FAM13A: variants seen among roughly 807,000 people sequenced by gnomAD.
The protein encoded by FAM13A is family with sequence similarity 13 member A.
FAM13A carries 76 observed loss-of-function variants against 129.6 expected under a neutral mutation model. That is an observed-to-expected ratio of 0.59 (90% CI 0.49 to 0.71). FAM13A has a LOEUF of 0.71. Among genes scored for constraint, FAM13A ranks in the 30% least tolerant of loss-of-function variants. The probability of loss-of-function intolerance (pLI) is 0.00; values close to 1 mark genes in which losing one functional copy is unlikely to be tolerated. For synonymous variants in FAM13A, 443 were observed against 449.9 expected, an observed-to-expected ratio of 0.98 and a Z score of 0.20; for missense variants, 1,108 against 1,249.3, an observed-to-expected ratio of 0.89 and a Z score of 1.70.
At position 88,991,057 on chromosome 4, in the gene FAM13A, A is replaced by T. The variant is rs979179823; in HGVS notation, c.521T>A (p.Phe174Tyr). The T allele has an allele frequency of 1.9e-6, 3 of 1,613,732 alleles. No individual in the cohort carries two copies. Among genetic ancestry groups the T allele is most frequent in the Admixed American group, 3.3e-5 (2 of 59,994 alleles). Residue 174 changes from phenylalanine to tyrosine, a missense_variant, in exon 4 of 24, where the codon TTC becomes TAC. Transcript: ENST00000264344. ...HYCLLKYLCQ[F>Y]LTKVAKHHVQ... Reference sequence around the variant, plus strand: ...ATGATGCTTGGCTACTTTTGTCAAGAACTGGCAAAGGTACTTGAGGAGGCA... The same window carrying T: ...ATGATGCTTGGCTACTTTTGTCAAGTACTGGCAAAGGTACTTGAGGAGGCA...
intron 7 of FAM13A, among the ~76,000 whole-genome samples, chr4:88,805,450 A>G (rs1259126135): frequency 2.0e-5 from 3 of 152,168 alleles, no homozygotes; most frequent in Admixed American, 6.5e-5. Flanking sequence ...ACAACCAACA[A>G]AACATTCCTG....
intron 4 of FAM13A, among the ~76,000 whole-genome samples, chr4:88,988,937 G>T (rs1253330208): frequency 3.3e-5 from 5 of 152,168 alleles, no homozygotes; most frequent in African/African-American, 1.2e-4. Flanking sequence ...AAAGCTACAT[G>T]AGGGTCGGGC....
chr4:88,995,115 ATTT>A (rs984087519), intron 3 of FAM13A, among the ~76,000 whole-genome samples: 4 of 152,138 alleles, frequency 2.6e-5, no homozygotes, highest in African/African-American at 9.7e-5. Context: ...CAAAATGTAT[ATTT>A]GTTGCACACA....
At chr4:88,953,693 T>A (rs1384906257) in intron 4 of FAM13A, among the ~76,000 whole-genome samples, 6 of 152,198 alleles carry the variant, frequency 3.9e-5, no homozygotes, top group Non-Finnish European at 7.3e-5. Flanking sequence ...TTTTATGATT[T>A]TAGGTACCTC....
intron 3 of FAM13A, among the ~76,000 whole-genome samples, chr4:89,011,157 A>G (rs1312464284): frequency 1.3e-5 from 2 of 152,038 alleles, no homozygotes; most frequent in Non-Finnish European, 2.9e-5. Flanking sequence ...CATCCTCATT[A>G]TCTTAATAAT....
intron 7 of FAM13A, among the ~76,000 whole-genome samples, chr4:88,810,751 C>A (rs1729513214): frequency 6.6e-6 from 1 of 152,090 alleles, no homozygotes; most frequent in Non-Finnish European, 1.5e-5. Flanking sequence ...AGTGAACTAT[C>A]CTCATAAGCA....
Position 88,750,547 on chromosome 4 carries a change from T to C in FAM13A, c.1817A>G (p.Gln606Arg). The C allele has an allele frequency of 1.2e-6, 2 of 1,614,174 alleles. No homozygotes were observed. The highest frequency in any genetic ancestry group is 1.7e-6 in the Non-Finnish European group (2 of 1,180,024). The change falls in exon 15 of 24, where the codon CAG becomes CGG. Residue 606 changes from glutamine to arginine, a missense_variant. Gln to Arg is a conservative substitution (Grantham distance 43). Around this residue, in one of 3 missense-constraint regions of FAM13A, gnomAD observed 529 missense variants for 621.2 expected, o/e 0.85. Transcript: ENST00000264344. The stretch of plus-strand genomic sequence containing the variant: ...GGGGTCGCTGTCTTCGTCCAGCAGC[T>C]GACGGATCAGGCGCCCAGCCTGCGG... ...LSPQAGRLIR[Q>R]LLDEDSDPML...
chr4:88,928,800 C>T (rs535235633), intron 5 of FAM13A, among the ~76,000 whole-genome samples: 2 of 152,196 alleles, frequency 1.3e-5, no homozygotes, highest in African/African-American at 4.8e-5. Flanking sequence ...AATCCATTTA[C>T]ATTCAAGGTT....
intron 1 of FAM13A, among the ~76,000 whole-genome samples, chr4:89,042,621 A>G (rs1770301371): frequency 6.6e-6 from 1 of 152,224 alleles, no homozygotes; most frequent in African/African-American, 2.4e-5. Context: ...ATAAAATATA[A>G]TTGTTCTAGA....
intron 5 of FAM13A, among the ~76,000 whole-genome samples, chr4:88,931,698 T>C (rs1451605331): frequency 6.6e-6 from 1 of 152,180 alleles, no homozygotes; most frequent in Non-Finnish European, 1.5e-5. Flanking sequence ...AATACATCAT[T>C]TAACTTTTTT....
rs1261759843 is a variant in FAM13A at position 88,887,953 on chromosome 4, A to T, written c.843+18426T>A. ...TTGATTTTGTTTAGTAAATTTTGTC[A>T]GACAGCAAGGCAATCTTTATGCAAG... is the stretch of plus-strand genomic sequence containing the variant. On this transcript the variant is annotated intron_variant, in intron 6 of 23. Transcript: ENST00000264344. Among the ~76,000 whole-genome samples the T allele has an allele frequency of 2.0e-5, 3 of 152,188 alleles. No individual in the cohort carries two copies. The East Asian group carries it at 5.8e-4, about 29-fold the overall frequency.
intron 3 of FAM13A, among the ~76,000 whole-genome samples, chr4:88,996,151 G>A (rs968011379): frequency 6.6e-6 from 1 of 152,130 alleles, no homozygotes; most frequent in Non-Finnish European, 1.5e-5. Context: ...GATGAAGTGG[G>A]GAGACAATGC....
At chr4:88,871,716 C>T (rs1235116496) in intron 6 of FAM13A, among the ~76,000 whole-genome samples, 2 of 152,186 alleles carry the variant, frequency 1.3e-5, no homozygotes, top group Admixed American at 1.3e-4. Flanking sequence ...AGTTGGAAAA[C>T]ACTCTGCAGG....
intron 3 of FAM13A, among the ~76,000 whole-genome samples, chr4:89,011,071 C>T (rs1252347599): frequency 6.6e-6 from 1 of 152,140 alleles, no homozygotes; most frequent in Non-Finnish European, 1.5e-5. Flanking sequence ...TGCCCTCAAA[C>T]TCCTGACCTC....
chr4:89,009,082 T>C (rs1765416343), intron 3 of FAM13A: 1 of 151,706 alleles, frequency 6.6e-6, no homozygotes. Flanking sequence ...CCCCTTTCTT[T>C]AAAAAAAACA....
At chr4:88,920,273 C>T (rs1750827794) in intron 5 of FAM13A, among the ~76,000 whole-genome samples, 1 of 152,168 alleles carries the variant, frequency 6.6e-6, no homozygotes, top group South Asian at 2.1e-4. Flanking sequence ...CCCCTGACCC[C>T]CGAGCAGCCT....
At chr4:89,023,329 G>A (rs951548857) in intron 2 of FAM13A, among the ~76,000 whole-genome samples, 1 of 152,120 alleles carries the variant, frequency 6.6e-6, no homozygotes, top group Admixed American at 6.6e-5. Context: ...TGAAAATTTA[G>A]AGTTTTGTTT....
At position 88,945,990 on chromosome 4, in the gene FAM13A, G is replaced by GTGTGTATATATATATA; in HGVS notation, c.606-7750_606-7749insTATATATATATACACA. Among the ~76,000 whole-genome samples, 206 of 61,726 alleles carry GTGTGTATATATATATA rather than the reference G, an allele frequency of 3.3e-3. 2 individuals carry two copies. The highest frequency in any genetic ancestry group is 7.1e-3 in the African/African-American group (82 of 11,504). The allele number at this position is 61,726 out of a possible 152,430, so 40.5% of individuals were successfully genotyped here. A position where few individuals can be genotyped will look rare whatever the true frequency, so the allele number is the denominator to read the frequency against. On this transcript the variant is annotated intron_variant, in intron 4 of 23. Transcript: ENST00000264344. Reference sequence around the variant, plus strand: ...TGTGTGTGTGTGTGTGTGTGTGTGTGTATATATATATATATATATATATAT... The same window carrying GTGTGTATATATATATA: ...TGTGTGTGTGTGTGTGTGTGTGTGTGTGTGTATATATATATATATATATATATATATATATATATAT...
At chr4:88,758,499 A>G (rs1264518405) in intron 14 of FAM13A, among the ~76,000 whole-genome samples, 1 of 152,016 alleles carries the variant, frequency 6.6e-6, no homozygotes, top group African/African-American at 2.4e-5. Context: ...TCACAAAGGA[A>G]AAAAAAAGGC....
Sources: allele counts gnomAD v4.1 joint callset (sites outside exome capture counted in the v4.1 genomes callset), GRCh38; gene constraint gnomAD v4.1.1; regional missense constraint gnomAD v4.1.1; transcripts MANE v1.5; gene names NCBI Gene and HGNC (gene_info 2026-07-23, HGNC 2026-07-21).